PTGDR: variants seen among roughly 807,000 people sequenced by gnomAD.
PTGDR encodes prostaglandin D2 receptor.
In PTGDR, 19 loss-of-function variants were observed where a neutral mutation model predicts 17.4. The observed-to-expected ratio is 1.09, with a 90% CI of 0.76 to 1.60. The LOEUF is 1.60. PTGDR is among the 40% of genes most tolerant of loss of function. PTGDR has a pLI of 0.00. For synonymous variants in PTGDR, 267 were observed against 224.2 expected, an observed-to-expected ratio of 1.19 and a Z score of -1.71; for missense variants, 526 against 481.9, an observed-to-expected ratio of 1.09 and a Z score of -0.86.
downstream of PTGDR, among the ~76,000 whole-genome samples, chr14:52,279,114 A>T (rs759186670): frequency 1.1e-4 from 16 of 152,166 alleles, no homozygotes; most frequent in Non-Finnish European, 2.4e-4. Flanking sequence ...CTATAAATAT[A>T]CTATAAATAT....
chr14:52,280,840 C>T (rs1223844035), downstream of PTGDR, among the ~76,000 whole-genome samples: 1 of 152,172 alleles, frequency 6.6e-6, no homozygotes, highest in Non-Finnish European at 1.5e-5. Context: ...CCCTCAAAAT[C>T]ATCTATGGGG....
chr14:52,279,207 A>G (rs1351213590), downstream of PTGDR, among the ~76,000 whole-genome samples: 1 of 152,228 alleles, frequency 6.6e-6, no homozygotes, highest in Non-Finnish European at 1.5e-5. Context: ...TTGGTTAAAG[A>G]TTCCTCTGTA....
At chr14:52,271,348 C>CT (rs1566482895) in intron 1 of PTGDR, among the ~76,000 whole-genome samples, 1 of 151,818 alleles carries the variant, frequency 6.6e-6, no homozygotes, top group Non-Finnish European at 1.5e-5. Flanking sequence ...GGCTCTGAAA[C>CT]TTTTTTTTGG....
At chr14:52,279,645 C>T (rs552558126), downstream of PTGDR, among the ~76,000 whole-genome samples, 326 of 152,234 alleles carry the variant, frequency 2.1e-3, 2 homozygotes, top group Non-Finnish European at 2.8e-3. Flanking sequence ...AATGAATCAG[C>T]AGATCTCGCC....
At chr14:52,273,533 C>A (rs1489733539) in intron 1 of PTGDR, among the ~76,000 whole-genome samples, 1 of 152,114 alleles carries the variant, frequency 6.6e-6, no homozygotes, top group African/African-American at 2.4e-5. Context: ...AGATTCCCTC[C>A]GCCCCCGCCC....
At chr14:52,273,826 T>C (rs942502258) in intron 1 of PTGDR, among the ~76,000 whole-genome samples, 2 of 152,172 alleles carry the variant, frequency 1.3e-5, no homozygotes, top group Admixed American at 1.3e-4. Flanking sequence ...TATTTAGAAT[T>C]GTAGGCATAG....
Position 52,268,369 on chromosome 14 carries a change from C to T in PTGDR, c.555C>T (p.Ile185=). The part of the protein sequence containing the change: ...VQYCPGTWCF[I]QMVHEEGSLS... ...ACTGCCCCGGCACCTGGTGCTTTAT[C>T]CAGATGGTCCACGAGGAGGGCTCGC... The change falls in exon 1 of 2, where the codon ATC becomes ATT. Residue 185 remains isoleucine, a synonymous_variant. Transcript: ENST00000306051. 1 of 1,612,894 alleles carries T rather than the reference C, an allele frequency of 6.2e-7. No homozygotes were observed. The highest frequency in any genetic ancestry group is 1.1e-5 in the South Asian group (1 of 91,078).
intron 1 of PTGDR, among the ~76,000 whole-genome samples, chr14:52,269,235 C>A (rs1319470658): frequency 6.6e-6 from 1 of 152,146 alleles, no homozygotes. Flanking sequence ...CTTTGAGACG[C>A]CACGGCTGCT....
At chr14:52,278,885 A>G (rs550324085), downstream of PTGDR, among the ~76,000 whole-genome samples, 1 of 151,646 alleles carries the variant, frequency 6.6e-6, no homozygotes, top group Non-Finnish European at 1.5e-5. Context: ...GTGAGCTTTC[A>G]TTAGGGATTG....
chr14:52,270,551 A>G (rs2033305911), intron 1 of PTGDR, among the ~76,000 whole-genome samples: 1 of 152,138 alleles, frequency 6.6e-6, no homozygotes, highest in Admixed American at 6.5e-5. Flanking sequence ...TAAAAAAAAA[A>G]TTGTACTCAA....
chr14:52,272,183 G>GGT (rs1311415199), intron 1 of PTGDR, among the ~76,000 whole-genome samples: 1 of 152,072 alleles, frequency 6.6e-6, no homozygotes, highest in Non-Finnish European at 1.5e-5. Flanking sequence ...GAAATGTATT[G>GGT]TTCATTGGGG....
At chr14:52,279,721 G>A (rs1006902754), downstream of PTGDR, among the ~76,000 whole-genome samples, 2 of 151,990 alleles carry the variant, frequency 1.3e-5, no homozygotes, top group African/African-American at 4.8e-5. Context: ...GAACTCAGGA[G>A]TAAGTCCAAT....
In PTGDR at chr14:52,268,203, G is replaced by T; in HGVS notation, c.389G>T (p.Cys130Phe). Residue 130 changes from cysteine (C) to phenylalanine (F), a missense_variant, in exon 1 of 2, where the codon TGC becomes TTC. Physicochemically the swap from Cys to Phe is radical, Grantham distance 205 (BLOSUM62 -2). Coordinates refer to ENST00000306051, the MANE Select transcript of PTGDR (RefSeq NM_000953.3). ...CAACTCCTGGCCATGGCACTGGAGT[G>T]CTGGCTCTCCCTAGGGCACCCTTTC... ...TLQLLAMALE[C>F]WLSLGHPFFY... is the part of the protein sequence containing the mutation. The T allele has an allele frequency of 3.1e-6, 5 of 1,614,116 alleles. No individual in the cohort carries two copies. Among genetic ancestry groups the T allele is most frequent in the Non-Finnish European group, 3.4e-6 (4 of 1,180,038 alleles).
At chr14:52,274,011 T>A (rs2033371427) in intron 1 of PTGDR, among the ~76,000 whole-genome samples, 4 of 151,584 alleles carry the variant, frequency 2.6e-5, no homozygotes, top group African/African-American at 9.7e-5. Context: ...ACAAGAGGAG[T>A]TGGTTGGACC....
chr14:52,271,840 T>C (rs952005459), intron 1 of PTGDR, among the ~76,000 whole-genome samples: 1 of 152,242 alleles, frequency 6.6e-6, no homozygotes, highest in Non-Finnish European at 1.5e-5. Flanking sequence ...ACTGGACACA[T>C]TGAATAGGTA....
At chr14:52,269,473 C>T (rs751313760) in intron 1 of PTGDR, 8 of 1,535,034 alleles carry the variant, frequency 5.2e-6, no homozygotes, top group Non-Finnish European at 7.0e-6. Flanking sequence ...GGAGTCCCCG[C>T]CAAGACACCT....
intron 1 of PTGDR, among the ~76,000 whole-genome samples, chr14:52,272,804 C>G (rs907785074): frequency 2.0e-5 from 3 of 152,142 alleles, no homozygotes; most frequent in African/African-American, 7.2e-5. Context: ...CTCAAAATGG[C>G]ATACACAGGA....
chr14:52,268,680 G>A lies in PTGDR; in HGVS notation c.846+20G>A. On this transcript the variant is annotated intron_variant, in intron 1 of 1. Coordinates refer to ENST00000306051, the MANE Select transcript of PTGDR (RefSeq NM_000953.3). The stretch of plus-strand genomic sequence containing the variant: ...GTAATTGTGAGTCCCCGGGCCCCGA[G>A]GCAGCAGGGCACTGAGACTGTCCGG... 6.5e-7 allele frequency: 1 copy of A among 1,548,720 alleles called. No homozygotes were observed. The highest frequency in any genetic ancestry group is 8.7e-7 in the Non-Finnish European group (1 of 1,145,304).
chr14:52,269,511 T>A lies in PTGDR; in HGVS notation c.846+851T>A, dbSNP rs972168709. 4 of 1,535,198 alleles carry A rather than the reference T, an allele frequency of 2.6e-6. No individual in the cohort carries two copies. In the South Asian group the frequency reaches 4.8e-5, roughly 18 times the overall value. On this transcript the variant is annotated intron_variant, in intron 1 of 1. Coordinates refer to ENST00000306051, the MANE Select transcript of PTGDR (RefSeq NM_000953.3). ...GAGTAGGTGAGGCTTGAGGAAACAT[T>A]TTCAGTGCTGCTCCTCTCCTTTCTC...
Sources: gnomAD v4.1 joint callset for allele counts (sites outside exome capture counted in the v4.1 genomes callset) on GRCh38, gnomAD v4.1.1 for gene constraint, MANE v1.5 for transcripts, NCBI Gene and HGNC (gene_info 2026-07-23, HGNC 2026-07-21) for gene names.